TMEM178B: variants seen among roughly 807,000 people sequenced by gnomAD.
TMEM178B encodes the protein transmembrane protein 178B.
Under a neutral mutation model 31.0 loss-of-function variants are expected in TMEM178B, and 5 were observed. The observed-to-expected ratio is 0.16, with a 90% CI of 0.08 to 0.34. The LOEUF (loss-of-function observed/expected upper bound fraction) is 0.34. Ranked by LOEUF, TMEM178B falls within the 10% of genes least tolerant of loss-of-function variation. The pLI is 1.00. For synonymous variants in TMEM178B, 164 were observed against 164.0 expected (o/e 1.00, Z 0.00); for missense variants, 275 against 400.3 (o/e 0.69, Z 2.67).
chr7:141,377,992 T>C (rs1353645159), intron 2 of TMEM178B, among the ~76,000 whole-genome samples: 3 of 152,220 alleles, frequency 2.0e-5, no homozygotes, highest in Non-Finnish European at 4.4e-5. Flanking sequence ...TCATCCCTTT[T>C]CCCACTAATG....
At chr7:141,090,060 C>G (rs536823662) in intron 1 of TMEM178B, among the ~76,000 whole-genome samples, 1 of 152,124 alleles carries the variant, frequency 6.6e-6, no homozygotes, top group Non-Finnish European at 1.5e-5. Flanking sequence ...ACTTTTGCTA[C>G]CCTTCTTGCC....
At chr7:141,480,586 TG>T (rs754898650), downstream of TMEM178B, among the ~76,000 whole-genome samples, 2 of 152,264 alleles carry the variant, frequency 1.3e-5, no homozygotes, top group Non-Finnish European at 2.9e-5. Context: ...CTTCGCATGT[TG>T]GGTGGAAGGA....
chr7:141,096,626 C>T (rs1432528976), intron 1 of TMEM178B, among the ~76,000 whole-genome samples: 3 of 152,228 alleles, frequency 2.0e-5, no homozygotes, highest in African/African-American at 4.8e-5. Context: ...AGGGAAGCTC[C>T]ATACCCCTTC....
the TMEM178B span, among the ~76,000 whole-genome samples, chr7:141,491,309 A>C: frequency 6.6e-6 from 1 of 152,176 alleles, no homozygotes; most frequent in Non-Finnish European, 1.5e-5. Flanking sequence ...CTGGGATTAC[A>C]TGTGTGAGTC....
At chr7:141,076,144 C>T (rs1794597286) in intron 1 of TMEM178B, among the ~76,000 whole-genome samples, 1 of 152,124 alleles carries the variant, frequency 6.6e-6, no homozygotes, top group Non-Finnish European at 1.5e-5. Context: ...CCATTTGGAG[C>T]ACTACCACTT....
chr7:141,134,752 A>G (rs756340976), intron 1 of TMEM178B, among the ~76,000 whole-genome samples: 1 of 152,262 alleles, frequency 6.6e-6, no homozygotes, highest in Non-Finnish European at 1.5e-5. Flanking sequence ...AAAAAATGAC[A>G]TAAGTTTATG....
At chr7:141,411,036 A>G (rs1158828642) in intron 2 of TMEM178B, among the ~76,000 whole-genome samples, 1 of 152,090 alleles carries the variant, frequency 6.6e-6, no homozygotes, top group Admixed American at 6.5e-5. Flanking sequence ...AATGGTGTTC[A>G]TGATGATTGC....
At chr7:141,417,728 G>A (rs1801126198) in intron 2 of TMEM178B, among the ~76,000 whole-genome samples, 1 of 152,186 alleles carries the variant, frequency 6.6e-6, no homozygotes, top group African/African-American at 2.4e-5. Context: ...GTGCCTGTGT[G>A]GGTGTACCTG....
Position 141,127,095 on chromosome 7 carries a change from C to G in TMEM178B, c.382+52403C>G, listed in dbSNP as rs149763271. 1.4e-4 allele frequency among the ~76,000 whole-genome samples: 21 copies of G among 152,306 alleles called. No homozygotes were observed. The East Asian group carries it at 3.5e-3, about 25-fold the overall frequency. Reference sequence around the variant, plus strand: ...GTGAGAGGTGGACATGACCAACAGTCCAGCTGTTCCTTCTTGGACACAGTG... The same window carrying G: ...GTGAGAGGTGGACATGACCAACAGTGCAGCTGTTCCTTCTTGGACACAGTG... On this transcript the variant is annotated intron_variant, in intron 1 of 3. Coordinates refer to ENST00000565468, the MANE Select transcript of TMEM178B (RefSeq NM_001195278.2).
chr7:141,293,217 C>T (rs118940), intron 2 of TMEM178B, among the ~76,000 whole-genome samples: 77,200 of 152,012 alleles, frequency 0.51, 19,763 homozygotes, highest in Admixed American at 0.55. Context: ...GTCTATCATA[C>T]TGGGGACCCC....
chr7:141,330,008 T>C (rs1192099647), intron 2 of TMEM178B, among the ~76,000 whole-genome samples: 12 of 152,134 alleles, frequency 7.9e-5, no homozygotes, highest in Admixed American at 7.9e-4. Flanking sequence ...GGACTGTCAC[T>C]GCATGGTGAA....
At chr7:141,281,837 C>A (rs217005) in intron 2 of TMEM178B, among the ~76,000 whole-genome samples, 139,960 of 152,238 alleles carry the variant, frequency 0.92, 64,349 homozygotes, top group East Asian at 1. Flanking sequence ...AAGCGGCAGG[C>A]CAAGTGGCAG....
chr7:141,104,975 A>G (rs1334226611), intron 1 of TMEM178B, among the ~76,000 whole-genome samples: 3 of 152,208 alleles, frequency 2.0e-5, no homozygotes, highest in African/African-American at 7.2e-5. Flanking sequence ...CCTGAAAGTC[A>G]GAACTGTTTG....
intron 2 of TMEM178B, among the ~76,000 whole-genome samples, chr7:141,354,846 TCTC>T (rs1230635350): frequency 6.6e-6 from 1 of 152,208 alleles, no homozygotes; most frequent in African/African-American, 2.4e-5. Flanking sequence ...TTTCCTTTCA[TCTC>T]CTCAGGACTC....
At chr7:141,443,227 A>G (rs1007028144) in intron 3 of TMEM178B, among the ~76,000 whole-genome samples, 1 of 152,202 alleles carries the variant, frequency 6.6e-6, no homozygotes, top group African/African-American at 2.4e-5. Context: ...TGTATTATTA[A>G]CATGTTACAT....
the TMEM178B span, among the ~76,000 whole-genome samples, chr7:141,493,555 T>C: frequency 6.6e-6 from 1 of 152,166 alleles, no homozygotes; most frequent in Non-Finnish European, 1.5e-5. Context: ...GAAGATCTTC[T>C]CAATTCTGTC....
chr7:141,204,209 C>T (rs1227893567), intron 1 of TMEM178B, among the ~76,000 whole-genome samples: 1 of 152,184 alleles, frequency 6.6e-6, no homozygotes, highest in African/African-American at 2.4e-5. Context: ...AGAGGGGAAG[C>T]CAGTCAAGAA....
At chr7:141,450,639 A>G (rs929153523) in intron 3 of TMEM178B, among the ~76,000 whole-genome samples, 4 of 152,148 alleles carry the variant, frequency 2.6e-5, no homozygotes, top group Admixed American at 6.5e-5. Flanking sequence ...CAGTTCACAG[A>G]GCTTTAAAGG....
intron 2 of TMEM178B, among the ~76,000 whole-genome samples, chr7:141,369,490 C>A (rs1357042641): frequency 1.3e-5 from 2 of 152,146 alleles, no homozygotes; most frequent in African/African-American, 4.8e-5. Context: ...GCTTCTCCAG[C>A]TGTTTAAAAT....
Sources: gnomAD v4.1 joint callset for allele counts (sites outside exome capture counted in the v4.1 genomes callset) on GRCh38, gnomAD v4.1.1 for gene constraint, MANE v1.5 for transcripts, NCBI Gene and HGNC (gene_info 2026-07-23, HGNC 2026-07-21) for gene names.